Variants in UQCRH observed in about 807,000 individuals in gnomAD.
UQCRH encodes cytochrome b-c1 complex subunit 6, mitochondrial.
A neutral mutation model predicts 16.3 loss-of-function variants in UQCRH; 14 were observed. The ratio of observed to expected loss-of-function variants is 0.86; its 90% CI spans 0.57 to 1.34. The LOEUF is 1.34. Among genes scored for constraint, UQCRH ranks in the 40% most tolerant of loss-of-function variants. The pLI is 0.00. For synonymous variants in UQCRH, 41 were observed against 41.9 expected, an observed-to-expected ratio of 0.98 and a Z score of 0.08; for missense variants, 89 against 111.9, an observed-to-expected ratio of 0.80 and a Z score of 0.92.
chr1:46,311,288 G>A (rs1341733572), intron 3 of UQCRH, among the ~76,000 whole-genome samples: 1 of 150,166 alleles, frequency 6.7e-6, no homozygotes, highest in African/African-American at 2.5e-5. Context: ...TTGGCCGGGC[G>A]CGGTGGCTCA....
intron 1 of UQCRH, among the ~76,000 whole-genome samples, chr1:46,308,257 T>C (rs1306746541): frequency 6.6e-6 from 1 of 152,118 alleles, no homozygotes; most frequent in Non-Finnish European, 1.5e-5. Flanking sequence ...TTAAATTTCC[T>C]GAAAGAGAGG....
chr1:46,312,484 C>A (rs1661500077), intron 3 of UQCRH, among the ~76,000 whole-genome samples: 2 of 152,152 alleles, frequency 1.3e-5, no homozygotes, highest in South Asian at 4.1e-4. Flanking sequence ...CTCCTGGGTT[C>A]ACACATGCCA....
chr1:46,310,035 C>T (rs1329878436), intron 2 of UQCRH, 120 bp from the exon 3 acceptor site: 1 of 1,540,028 alleles, frequency 6.5e-7, no homozygotes. Context: ...GCCAGCTGGC[C>T]TTCTGCACGG....
chr1:46,313,139 T>C (rs1303446836), intron 3 of UQCRH, among the ~76,000 whole-genome samples: 1 of 152,152 alleles, frequency 6.6e-6, no homozygotes. Flanking sequence ...TAAAAACTTG[T>C]ACACAAATGT....
At chr1:46,308,965 A>C in intron 1 of UQCRH, 136 bp from the exon 2 acceptor site, 1 of 1,100,472 alleles carries the variant, frequency 9.1e-7, no homozygotes, top group Non-Finnish European at 1.3e-6. Flanking sequence ...TAAAATGTAA[A>C]AACATCATAA....
At chr1:46,303,851 C>T in intron 1 of UQCRH, 31 bp downstream of exon 1, 5 of 1,614,088 alleles carry the variant, frequency 3.1e-6, no homozygotes, top group Non-Finnish European at 4.2e-6. Context: ...CGGCCCTCTT[C>T]TCTGCCCTGA....
At chr1:46,308,709 C>T (rs770518285) in intron 1 of UQCRH, among the ~76,000 whole-genome samples, 11 of 152,234 alleles carry the variant, frequency 7.2e-5, no homozygotes, top group Admixed American at 2.0e-4. Context: ...AGGCATGTGG[C>T]GTGTGCTTAT....
At chr1:46,306,188 A>T (rs2148332549) in intron 1 of UQCRH, among the ~76,000 whole-genome samples, 2 of 152,272 alleles carry the variant, frequency 1.3e-5, no homozygotes, top group Middle Eastern at 3.4e-3. Context: ...ATCCATATTC[A>T]AACATATTTG....
intron 2 of UQCRH, 162 bp downstream of exon 2, chr1:46,309,289 C>G (rs1661425853): frequency 1.3e-6 from 1 of 775,014 alleles, no homozygotes; most frequent in Admixed American, 3.4e-5. Context: ...AGGGTGTGAG[C>G]CTTGGAAGCT....
At chr1:46,305,599 A>G (rs1011871512) in intron 1 of UQCRH, among the ~76,000 whole-genome samples, 4 of 150,850 alleles carry the variant, frequency 2.7e-5, no homozygotes, top group Non-Finnish European at 4.4e-5. Flanking sequence ...CTGAAAATAC[A>G]AAAAATTAGC....
In UQCRH at chr1:46,316,764, T is replaced by C. The variant is rs898807029; in HGVS notation, c.*180T>C. The C allele has an allele frequency of 3.5e-5, 28 of 801,316 alleles. No individual in the cohort carries two copies. The East Asian group carries it at 9.3e-4, about 27-fold the overall frequency. 49.6% of individuals were successfully genotyped at this position (801,316 alleles called of 1,614,324 possible). On this transcript the variant is annotated 3_prime_UTR_variant, in exon 4 of 4. Transcript: ENST00000311672. The stretch of plus-strand genomic sequence containing the variant: ...AATGATTCCATCTAAATAAAAGTTC[T>C]ATGATCTGCAAACCTGCCCGTCTTT...
intron 3 of UQCRH, among the ~76,000 whole-genome samples, chr1:46,316,013 T>C (rs183640092): frequency 3.0e-4 from 46 of 152,296 alleles, no homozygotes; most frequent in Non-Finnish European, 2.9e-4. Context: ...TAAACTTTGG[T>C]AAGTCTCTCA....
intron 3 of UQCRH, among the ~76,000 whole-genome samples, chr1:46,315,589 C>A (rs1661568692): frequency 1.4e-5 from 1 of 71,190 alleles, no homozygotes; most frequent in South Asian, 5.8e-4. Context: ...GCAAGACTGC[C>A]TCAAAAAAAA....
intron 1 of UQCRH, among the ~76,000 whole-genome samples, chr1:46,304,175 G>A (rs1197172186): frequency 1.3e-5 from 2 of 152,162 alleles, no homozygotes; most frequent in Non-Finnish European, 2.9e-5. Context: ...CCTTGCCCCA[G>A]CTCAGGTTAG....
At chr1:46,303,952 C>CAAA in intron 1 of UQCRH, 132 bp downstream of exon 1, 2 of 1,149,294 alleles carry the variant, frequency 1.7e-6, no homozygotes, top group Non-Finnish European at 2.5e-6. Flanking sequence ...GCTCTAGTTC[C>CAAA]CTCGACCTTT....
At position 46,316,566 on chromosome 1, in the gene UQCRH, CTT is replaced by C. The variant is rs1416766264; in HGVS notation, c.260_261del (p.Phe87Ter). 2 of 1,613,304 alleles carry C rather than the reference CTT, an allele frequency of 1.2e-6. No individual in the cohort carries two copies. The highest frequency in any genetic ancestry group is 1.7e-6 in the Non-Finnish European group (2 of 1,179,784). On this transcript the variant is annotated frameshift_variant, in exon 4 of 4. Transcript: ENST00000311672. LOFTEE classifies it high-confidence loss of function. ...CCCCCATCTAGGTGGCCCACAAACT[CTT>C]TAACAACTTGAAATAAATGTGTGGA... ...ARDHCVAHKL[F>X]NNLK
intron 3 of UQCRH, among the ~76,000 whole-genome samples, chr1:46,313,831 A>G (rs1402468457): frequency 6.7e-6 from 1 of 150,050 alleles, no homozygotes; most frequent in Non-Finnish European, 1.5e-5. Context: ...ACAGACTGAG[A>G]CCCTGTCTCA....
chr1:46,306,530 C>T (rs759971601), intron 1 of UQCRH, among the ~76,000 whole-genome samples: 28 of 151,784 alleles, frequency 1.8e-4, no homozygotes, highest in Non-Finnish European at 2.8e-4. Context: ...TGTGCCATCA[C>T]GCCCAGCTAA....
intron 1 of UQCRH, among the ~76,000 whole-genome samples, chr1:46,305,857 G>A (rs1234863985): frequency 4.0e-5 from 6 of 151,344 alleles, no homozygotes; most frequent in African/African-American, 9.7e-5. Flanking sequence ...CCAGGCTGGA[G>A]TGCAGTGGCG....
Sources: allele counts gnomAD v4.1 joint callset (sites outside exome capture counted in the v4.1 genomes callset), GRCh38; gene constraint gnomAD v4.1.1; transcripts MANE v1.5; gene names NCBI Gene and HGNC (gene_info 2026-07-23, HGNC 2026-07-21).